The following CSMD1 variants were observed in gnomAD, a reference collection of about 807,000 sequenced individuals.
CSMD1 encodes the protein CUB and Sushi multiple domains 1, also known as CUB and sushi domain-containing protein 1.
A neutral mutation model predicts 417.5 loss-of-function variants in CSMD1; 213 were observed. That is an observed-to-expected ratio of 0.51 (90% CI 0.46 to 0.57). The LOEUF (loss-of-function observed/expected upper bound fraction) is 0.57, where lower values mean the gene tolerates loss of function less well. CSMD1 is among the 20% of genes least tolerant of loss of function. CSMD1 has a pLI of 0.00. For missense variants in CSMD1, 6,923 were observed against 4,529.7 expected (o/e 1.53, Z -15.17); for synonymous variants, 2,862 against 1,736.8 (o/e 1.65, Z -16.11).
intron 5 of CSMD1, among the ~76,000 whole-genome samples, chr8:3,950,994 A>G (rs1456259769): frequency 6.6e-6 from 1 of 152,230 alleles, no homozygotes; most frequent in African/African-American, 2.4e-5. Flanking sequence ...TAAAAGCATA[A>G]TTCAACTGAG....
chr8:3,866,791 C>T (rs545388713), intron 5 of CSMD1, among the ~76,000 whole-genome samples: 3 of 152,256 alleles, frequency 2.0e-5, no homozygotes, highest in Admixed American at 6.5e-5. Flanking sequence ...CCTTCAATAA[C>T]GGCTCACAAA....
chr8:4,957,474 G>C (rs926088287), intron 1 of CSMD1, among the ~76,000 whole-genome samples: 1 of 152,092 alleles, frequency 6.6e-6, no homozygotes, highest in East Asian at 1.9e-4. Flanking sequence ...ATCATTTCAG[G>C]GAAGACACAC....
intron 10 of CSMD1, among the ~76,000 whole-genome samples, chr8:3,544,491 T>A (rs756652465): frequency 6.6e-6 from 1 of 152,108 alleles, no homozygotes; most frequent in Non-Finnish European, 1.5e-5. Context: ...TCTTTCCCAG[T>A]TGACGTTCTG....
chr8:4,100,774 C>G (rs188925993), intron 3 of CSMD1, among the ~76,000 whole-genome samples: 33 of 152,228 alleles, frequency 2.2e-4, no homozygotes, highest in Admixed American at 3.3e-4. Flanking sequence ...AGTCATCGAT[C>G]TTACCTTTAG....
rs1375990505 is a variant in CSMD1 at position 3,463,303 on chromosome 8, A to T, written c.1561+5409T>A. Among the ~76,000 whole-genome samples, 3 of 152,318 alleles carry T rather than the reference A, an allele frequency of 2.0e-5. No homozygotes were observed. In the East Asian group the frequency reaches 5.8e-4, roughly 29 times the overall value. ...AGTCACCAACTCAGGCTCTGCTTCC[A>T]AGAAAAAGGATAATTTGTCATAGAC... On this transcript the variant is annotated intron_variant, in intron 12 of 69. Transcript: ENST00000635120.
intron 46 of CSMD1, among the ~76,000 whole-genome samples, chr8:3,101,071 T>C (rs58581633): frequency 0.19 from 25,416 of 134,032 alleles, 2,298 homozygotes; most frequent in African/African-American, 0.23. Flanking sequence ...TTTTTTTTTT[T>C]CTAAAGAAAT....
chr8:3,949,668 A>C (rs1811478094), intron 5 of CSMD1, among the ~76,000 whole-genome samples: 1 of 152,046 alleles, frequency 6.6e-6, no homozygotes, highest in Admixed American at 6.6e-5. Context: ...GGATGAGAGA[A>C]AGGAGGAGGA....
At chr8:3,394,857 T>C (rs113158859) in intron 17 of CSMD1, among the ~76,000 whole-genome samples, 51 of 152,296 alleles carry the variant, frequency 3.3e-4, no homozygotes, top group African/African-American at 1.2e-3. Context: ...ATGTGAAGAG[T>C]AATAACTGAA....
intron 1 of CSMD1, among the ~76,000 whole-genome samples, chr8:4,953,346 A>C (rs376784731): frequency 4.6e-5 from 7 of 152,166 alleles, no homozygotes; most frequent in African/African-American, 1.4e-4. Context: ...TCATTAACAG[A>C]TACTAAATCC....
intron 3 of CSMD1, among the ~76,000 whole-genome samples, chr8:4,167,385 G>T (rs1797515143): frequency 6.6e-6 from 1 of 152,146 alleles, no homozygotes; most frequent in South Asian, 2.1e-4. Context: ...AACAAACTAT[G>T]TTAAATTTCA....
At chr8:3,301,830 A>G (rs139631273) in intron 25 of CSMD1, among the ~76,000 whole-genome samples, 1 of 152,334 alleles carries the variant, frequency 6.6e-6, no homozygotes, top group Non-Finnish European at 1.5e-5. Context: ...GTCAGTTGAG[A>G]GAAGACTAAA....
intron 23 of CSMD1, among the ~76,000 whole-genome samples, chr8:3,317,191 T>G (rs890783834): frequency 1.3e-4 from 20 of 152,148 alleles, no homozygotes; most frequent in African/African-American, 4.8e-4. Context: ...TCTGATCTTC[T>G]CATAGCAGAT....
chr8:3,702,272 C>T (rs1295531394), intron 7 of CSMD1: 1 of 152,182 alleles, frequency 6.6e-6, no homozygotes, highest in Admixed American at 6.5e-5. Flanking sequence ...ATCAGCTCAT[C>T]TGAGTGAGCT....
At chr8:3,509,130 A>C (rs1796957277) in intron 10 of CSMD1, among the ~76,000 whole-genome samples, 1 of 152,168 alleles carries the variant, frequency 6.6e-6, no homozygotes, top group Non-Finnish European at 1.5e-5. Flanking sequence ...ATGAGAATTT[A>C]CTCTAAGTAT....
rs192246172 is a variant in CSMD1, at chr8:4,834,903, T to G, written c.85+159429A>C. Among the ~76,000 whole-genome samples the G allele has an allele frequency of 1.0e-3, 131 of 128,738 alleles. 2 individuals are homozygous for G. The East Asian group carries it at 0.017, about 17-fold the overall frequency. 84.5% of individuals were successfully genotyped at this position (128,738 alleles called of 152,430 possible). On this transcript the variant is annotated intron_variant, in intron 1 of 69. Coordinates refer to ENST00000635120, the MANE Select transcript of CSMD1 (RefSeq NM_033225.6). ...ACCCGGGAGGCGGAGCTTGCAGTGA[T>G]CTGAGATGGCGCCACTGCACTCCAG...
intron 10 of CSMD1, among the ~76,000 whole-genome samples, chr8:3,538,626 A>G (rs76213195): frequency 0.059 from 8,952 of 152,314 alleles, 300 homozygotes; most frequent in East Asian, 0.14. Flanking sequence ...ACCACTCAAC[A>G]AAGGTATAGA....
chr8:4,225,280 T>G (rs574698105), intron 3 of CSMD1, among the ~76,000 whole-genome samples: 54 of 152,170 alleles, frequency 3.5e-4, no homozygotes, highest in Non-Finnish European at 6.6e-4. Flanking sequence ...AAAAAAATAT[T>G]ATTTAATCAT....
At chr8:3,909,958 A>G (rs1254937201) in intron 5 of CSMD1, among the ~76,000 whole-genome samples, 1 of 152,118 alleles carries the variant, frequency 6.6e-6, no homozygotes, top group African/African-American at 2.4e-5. Context: ...TTTTTGACTG[A>G]TATGCAGACA....
chr8:3,325,167 C>T (rs1806443726), intron 23 of CSMD1, among the ~76,000 whole-genome samples: 1 of 152,154 alleles, frequency 6.6e-6, no homozygotes, highest in African/African-American at 2.4e-5. Context: ...ACCTGTGACC[C>T]CTTACCCAGT....
Sources: allele counts gnomAD v4.1 joint callset (sites outside exome capture counted in the v4.1 genomes callset), GRCh38; gene constraint gnomAD v4.1.1; transcripts MANE v1.5; gene names NCBI Gene and HGNC (gene_info 2026-07-23, HGNC 2026-07-21).